The following ADGRF5 variants were observed in gnomAD, a reference collection of about 807,000 sequenced individuals.
ADGRF5 encodes G-protein coupled receptor 116.
In ADGRF5, 75 loss-of-function variants were observed where a neutral mutation model predicts 132.3. The ratio of observed to expected loss-of-function variants is 0.57; its 90% CI spans 0.47 to 0.69. The LOEUF is 0.69. ADGRF5 is among the 30% of genes least tolerant of loss of function. The pLI, the probability that ADGRF5 is intolerant of heterozygous loss-of-function variation, is 0.00. For missense variants in ADGRF5, 1,516 were observed against 1,630.6 expected, an observed-to-expected ratio of 0.93 and a Z score of 1.21; for synonymous variants, 629 against 597.6, an observed-to-expected ratio of 1.05 and a Z score of -0.77.
chr6:46,889,856 A>C (rs967474810), intron 3 of ADGRF5, among the ~76,000 whole-genome samples: 16 of 151,460 alleles, frequency 1.1e-4, no homozygotes, highest in Non-Finnish European at 1.6e-4. Context: ...TCCCAAGAGC[A>C]GGAACTGTTT....
chr6:46,898,851 G>C (rs925024509), intron 3 of ADGRF5, among the ~76,000 whole-genome samples: 1 of 152,118 alleles, frequency 6.6e-6, no homozygotes. Context: ...CTAGATAGTT[G>C]GTACAGACAC....
rs1768725694 is a variant in ADGRF5, at chr6:46,853,723, G to T, written c.*269C>A. The T allele has an allele frequency of 7.0e-6, 2 of 287,308 alleles. No individual in the cohort carries two copies. Among genetic ancestry groups the T allele is most frequent in the Non-Finnish European group, 1.3e-5 (2 of 154,514 alleles). The allele number at this position is 287,308 out of a possible 1,614,324, so 17.8% of individuals were successfully genotyped here. A position where few individuals can be genotyped will look rare whatever the true frequency, so the allele number is the denominator to read the frequency against. On this transcript the variant is annotated 3_prime_UTR_variant, in exon 21 of 21. Coordinates refer to ENST00000283296, the MANE Select transcript of ADGRF5 (RefSeq NM_001098518.2). ...AATTCTATATTACAATATAGACAGA[G>T]AAGTTGGGCCTTGAGGGCTTGAGTT...
intron 3 of ADGRF5, among the ~76,000 whole-genome samples, chr6:46,894,167 T>A (rs80197448): frequency 0.011 from 1,612 of 152,322 alleles, 36 homozygotes; most frequent in African/African-American, 0.037. Context: ...TCCCTGTTGG[T>A]CTTAGCAAGT....
chr6:46,852,553 C>G lies in ADGRF5; in HGVS notation c.*1439G>C, dbSNP rs534049026. ...GATCGGACTTTTATTTGCAATGTAG[C>G]GTTGCTGTATCAATAGTACATGGTT... is the stretch of plus-strand genomic sequence containing the variant. On this transcript the variant is annotated 3_prime_UTR_variant, in exon 21 of 21. Transcript: ENST00000283296. 1 of 152,066 alleles carries G rather than the reference C, an allele frequency of 6.6e-6. No homozygotes were observed. The highest frequency in any genetic ancestry group is 2.4e-5 in the African/African-American group (1 of 41,414). The allele number at this position is 152,066 out of a possible 1,614,324, so 9.4% of individuals were successfully genotyped here. A position where few individuals can be genotyped will look rare whatever the true frequency, so the allele number is the denominator to read the frequency against.
upstream of ADGRF5, chr6:46,922,091 G>A (rs921703973): frequency 6.6e-6 from 1 of 152,198 alleles, no homozygotes; most frequent in Non-Finnish European, 1.5e-5. Context: ...GACTTGTTTG[G>A]CCAATGCCCC....
chr6:46,897,345 T>C (rs946791790), intron 3 of ADGRF5, among the ~76,000 whole-genome samples: 6 of 152,028 alleles, frequency 3.9e-5, no homozygotes, highest in Admixed American at 2.0e-4. Flanking sequence ...AAAAAACTCC[T>C]GACCTAATTG....
intron 1 of ADGRF5, among the ~76,000 whole-genome samples, chr6:46,944,586 A>G (rs1778227788): frequency 1.3e-5 from 2 of 152,204 alleles, no homozygotes; most frequent in Admixed American, 1.3e-4. Flanking sequence ...CAGTTTATCT[A>G]CTGCTCATCT....
At position 46,852,809 on chromosome 6, in the gene ADGRF5, T is replaced by A. The variant is rs1237230052; in HGVS notation, c.*1183A>T. 1 of 152,040 alleles carries A rather than the reference T, an allele frequency of 6.6e-6. No individual in the cohort carries two copies. The highest frequency in any genetic ancestry group is 1.9e-4 in the East Asian group (1 of 5,184). 9.4% of individuals were successfully genotyped at this position (152,040 alleles called of 1,614,324 possible). Reference sequence around the variant, plus strand: ...AAACACAATTTAGACCATGCAAAACTCTTAATGTATATTGGTCTGGGAACT... The same window carrying A: ...AAACACAATTTAGACCATGCAAAACACTTAATGTATATTGGTCTGGGAACT... On this transcript the variant is annotated 3_prime_UTR_variant, in exon 21 of 21. Transcript: ENST00000283296.
intron 15 of ADGRF5, 93 bp from the exon 16 acceptor site, chr6:46,860,987 C>T (rs1581733770): frequency 5.3e-6 from 5 of 944,538 alleles, no homozygotes; most frequent in East Asian, 2.5e-5. Flanking sequence ...CTCTCACATC[C>T]GTTGTTTCCT....
chr6:46,893,573 C>T (rs1773876243), intron 3 of ADGRF5, among the ~76,000 whole-genome samples: 1 of 152,176 alleles, frequency 6.6e-6, no homozygotes, highest in Non-Finnish European at 1.5e-5. Flanking sequence ...AGTAACATTC[C>T]TTGTCCTTCT....
intron 1 of ADGRF5, among the ~76,000 whole-genome samples, chr6:46,907,043 G>A (rs530328023): frequency 1.7e-4 from 26 of 152,290 alleles, no homozygotes; most frequent in Admixed American, 3.3e-4. Context: ...GCAGATGTTT[G>A]AGTAAGAAAT....
At chr6:46,880,949 T>C (rs1191241543) in intron 8 of ADGRF5, among the ~76,000 whole-genome samples, 1 of 149,250 alleles carries the variant, frequency 6.7e-6, no homozygotes. Context: ...AAAAAAAAAA[T>C]GTTAGCTGAG....
At chr6:46,873,597 CT>C (rs1295814294) in intron 10 of ADGRF5, among the ~76,000 whole-genome samples, 1 of 152,126 alleles carries the variant, frequency 6.6e-6, no homozygotes, top group African/African-American at 2.4e-5. Flanking sequence ...CTTTCCTCAT[CT>C]TTTTCTCTAT....
At chr6:46,929,313 A>G (rs1345635135) in intron 1 of ADGRF5, among the ~76,000 whole-genome samples, 1 of 151,896 alleles carries the variant, frequency 6.6e-6, no homozygotes, top group Admixed American at 6.6e-5. Flanking sequence ...GGACACAGGA[A>G]GGGGAACATC....
At position 46,884,226 on chromosome 6, in the gene ADGRF5, C is replaced by T. The variant is rs1442488775; in HGVS notation, c.374G>A (p.Gly125Asp). The change falls in exon 5 of 21, where the codon GGT (glycine) becomes GAT (aspartate). Residue 125 changes from glycine to aspartate, a missense_variant. Transcript: ENST00000283296. ...ACACCTTTCCCGAGGCCACCCATAA[C>T]CTGTCTCGCAGGAGCACCAGATTTC... is the stretch of plus-strand genomic sequence containing the variant. ...GNEIWCSCET[G>D]YGWPRERCLH... The T allele has an allele frequency of 6.2e-7, 1 of 1,614,080 alleles. No homozygotes were observed.
At position 46,890,867 on chromosome 6, in the gene ADGRF5, G is replaced by T. The variant is rs958112520; in HGVS notation, c.158-2362C>A. ...AAAAAATTTTCCCATAATATTTCAA[G>T]ATTTAAATATTCCAAGGACTCTTGG... On this transcript the variant is annotated intron_variant, in intron 3 of 20. Transcript: ENST00000283296. 8.5e-5 allele frequency among the ~76,000 whole-genome samples: 13 copies of T among 152,240 alleles called. No individual in the cohort carries two copies. The East Asian group carries it at 2.5e-3, about 29-fold the overall frequency.
intron 11 of ADGRF5, 40 bp downstream of exon 11, chr6:46,871,803 G>A: frequency 7.1e-7 from 1 of 1,408,336 alleles, no homozygotes; most frequent in Admixed American, 1.9e-5. Context: ...ATTTAAGGTG[G>A]AACCTATTTA....
chr6:46,869,211 A>G (rs553140268), intron 11 of ADGRF5, 119 bp from the exon 12 acceptor site: 151 of 1,505,700 alleles, frequency 1.0e-4, no homozygotes, highest in Non-Finnish European at 1.3e-4. Context: ...AAAATGAACC[A>G]TCCTGACTCT....
chr6:46,938,381 T>C (rs1484326714), intron 1 of ADGRF5, among the ~76,000 whole-genome samples: 3 of 152,210 alleles, frequency 2.0e-5, no homozygotes, highest in Non-Finnish European at 4.4e-5. Flanking sequence ...ATAGCACTTG[T>C]CTATTTCTGT....
Sources: gnomAD v4.1 joint callset for allele counts (sites outside exome capture counted in the v4.1 genomes callset) on GRCh38, gnomAD v4.1.1 for gene constraint, MANE v1.5 for transcripts, NCBI Gene and HGNC (gene_info 2026-07-23, HGNC 2026-07-21) for gene names.